The following SHISA9 variants were observed in gnomAD, a reference collection of about 807,000 sequenced individuals.
SHISA9 encodes the protein protein shisa-9.
Under a neutral mutation model 38.0 loss-of-function variants are expected in SHISA9, and 13 were observed. The ratio of observed to expected loss-of-function variants is 0.34; its 90% confidence interval spans 0.22 to 0.54. The LOEUF (loss-of-function observed/expected upper bound fraction) is 0.54. SHISA9 is among the 20% of genes least tolerant of loss of function. The pLI is 0.91. For synonymous variants in SHISA9, 275 were observed against 242.0 expected (o/e 1.14, Z -1.27); for missense variants, 538 against 575.8 (o/e 0.93, Z 0.67).
chr16:12,976,159 C>T (rs1180928195), intron 2 of SHISA9, among the ~76,000 whole-genome samples: 2 of 152,148 alleles, frequency 1.3e-5, no homozygotes, highest in African/African-American at 4.8e-5. Flanking sequence ...GTGATCCCGG[C>T]TCACTGTAAC....
At chr16:12,988,004 T>C (rs1003280049) in intron 2 of SHISA9, among the ~76,000 whole-genome samples, 20 of 152,188 alleles carry the variant, frequency 1.3e-4, no homozygotes, top group Non-Finnish European at 1.5e-5. Context: ...GCTACTTCTT[T>C]AAATACACCA....
chr16:13,117,816 C>T lies in SHISA9; in HGVS notation c.692-85578C>T, dbSNP rs144835718. On this transcript the variant is annotated intron_variant, in intron 2 of 4. Transcript: ENST00000558583. ...TGTTACAGCATCATCAGGAAACTGA[C>T]AATCAGTTTCTGTATTCTGGCTCTG... 1.6e-3 allele frequency among the ~76,000 whole-genome samples: 250 copies of T among 152,292 alleles called. 1 individual carries two copies. The highest frequency in any genetic ancestry group is 5.4e-3 in the African/African-American group (224 of 41,562).
the SHISA9 span, among the ~76,000 whole-genome samples, chr16:13,329,399 C>T: frequency 6.6e-6 from 1 of 152,188 alleles, no homozygotes; most frequent in Non-Finnish European, 1.5e-5. Context: ...GTATTTACCT[C>T]AGACAATGAC....
At chr16:13,262,044 T>C in the SHISA9 span, among the ~76,000 whole-genome samples, 4 of 152,170 alleles carry the variant, frequency 2.6e-5, no homozygotes, top group African/African-American at 9.7e-5. Flanking sequence ...TAGACATTAA[T>C]TAAATCAGTC....
At chr16:13,355,992 G>A in the SHISA9 span, among the ~76,000 whole-genome samples, 1 of 152,190 alleles carries the variant, frequency 6.6e-6, no homozygotes, top group Non-Finnish European at 1.5e-5. Flanking sequence ...CAGGCTGCGG[G>A]CATTCCTTGG....
chr16:13,367,654 G>GT, the SHISA9 span, among the ~76,000 whole-genome samples: 7 of 149,772 alleles, frequency 4.7e-5, no homozygotes, highest in Admixed American at 4.7e-4. Context: ...AGTAGGATGC[G>GT]GGGGGGAATG....
the SHISA9 span, among the ~76,000 whole-genome samples, chr16:13,338,434 T>C: frequency 6.6e-6 from 1 of 152,166 alleles, no homozygotes; most frequent in African/African-American, 2.4e-5. Flanking sequence ...TATCTGCTGA[T>C]ATTTGAAGTG....
At chr16:12,920,585 C>G (rs1469331432) in intron 2 of SHISA9, among the ~76,000 whole-genome samples, 3 of 152,102 alleles carry the variant, frequency 2.0e-5, no homozygotes, top group African/African-American at 7.2e-5. Context: ...ACATTGCATG[C>G]CTGTATGGAA....
At chr16:13,336,483 T>C in the SHISA9 span, among the ~76,000 whole-genome samples, 2 of 152,260 alleles carry the variant, frequency 1.3e-5, no homozygotes, top group African/African-American at 4.8e-5. Context: ...TGAATCATTC[T>C]GATCCCAGAA....
At chr16:13,316,106 C>T in the SHISA9 span, among the ~76,000 whole-genome samples, 121 of 152,162 alleles carry the variant, frequency 8.0e-4, no homozygotes, top group Non-Finnish European at 1.1e-3. Context: ...ATCACAGGGA[C>T]TGCAGAGCCT....
chr16:13,090,708 A>C (rs151103825), intron 2 of SHISA9, among the ~76,000 whole-genome samples: 1 of 152,106 alleles, frequency 6.6e-6, no homozygotes, highest in African/African-American at 2.4e-5. Flanking sequence ...TTGCACGTGA[A>C]ATGGGTCTCT....
chr16:13,131,111 GGTA>G (rs144955956), intron 2 of SHISA9, among the ~76,000 whole-genome samples: 31,384 of 79,856 alleles, frequency 0.39, 3,576 homozygotes, highest in African/African-American at 0.55. Context: ...CCCATTACTG[GGTA>G]TTATATACCC....
the SHISA9 span, among the ~76,000 whole-genome samples, chr16:13,351,296 C>G: frequency 6.6e-6 from 1 of 152,166 alleles, no homozygotes; most frequent in Non-Finnish European, 1.5e-5. Context: ...TTAAAGCTAC[C>G]AGGGCAAGCA....
chr16:13,039,924 G>A (rs2073115193), intron 2 of SHISA9, among the ~76,000 whole-genome samples: 1 of 152,160 alleles, frequency 6.6e-6, no homozygotes, highest in African/African-American at 2.4e-5. Flanking sequence ...CATCACCACA[G>A]TGGTGGCTGG....
chr16:13,165,553 T>A (rs759888258), intron 2 of SHISA9, among the ~76,000 whole-genome samples: 1 of 152,226 alleles, frequency 6.6e-6, no homozygotes, highest in Non-Finnish European at 1.5e-5. Flanking sequence ...TGACTGAGAC[T>A]TAGGAAACTT....
At chr16:13,298,627 A>C in the SHISA9 span, among the ~76,000 whole-genome samples, 1 of 152,196 alleles carries the variant, frequency 6.6e-6, no homozygotes. Flanking sequence ...GTCTGACTCT[A>C]GGGCTTGAGC....
At chr16:12,963,913 A>C (rs143632810) in intron 2 of SHISA9, among the ~76,000 whole-genome samples, 1 of 152,338 alleles carries the variant, frequency 6.6e-6, no homozygotes, top group Non-Finnish European at 1.5e-5. Flanking sequence ...AGAACCATTT[A>C]TGTAATCCCT....
the SHISA9 span, among the ~76,000 whole-genome samples, chr16:13,320,946 A>G: frequency 5.3e-5 from 8 of 152,372 alleles, 1 homozygote; most frequent in African/African-American, 9.6e-5. Flanking sequence ...ACTGTCTGCA[A>G]TGCTGTAAAC....
chr16:13,463,307 G>C, the SHISA9 span, among the ~76,000 whole-genome samples: 1 of 152,216 alleles, frequency 6.6e-6, no homozygotes, highest in Non-Finnish European at 1.5e-5. Flanking sequence ...GAACTAAGTA[G>C]CAGGTGTGGA....
Sources: allele counts gnomAD v4.1 joint callset (sites outside exome capture counted in the v4.1 genomes callset), GRCh38; gene constraint gnomAD v4.1.1; transcripts MANE v1.5; gene names NCBI Gene and HGNC (gene_info 2026-07-23, HGNC 2026-07-21).